Variants in ZYG11A observed in about 807,000 individuals in gnomAD.
ZYG11A encodes protein zyg-11 homolog A.
A neutral mutation model predicts 77.2 loss-of-function variants in ZYG11A; 62 were observed. That is an observed-to-expected ratio of 0.80 (90% CI 0.65 to 0.99). ZYG11A has a LOEUF of 0.99. Among genes scored for constraint, ZYG11A ranks in the 50% least tolerant of loss-of-function variants. The pLI, the probability that ZYG11A is intolerant of heterozygous loss-of-function variation, is 0.00. For missense variants in ZYG11A, 828 were observed against 896.8 expected (o/e 0.92, Z 0.98); for synonymous variants, 315 against 324.6 (o/e 0.97, Z 0.32).
In ZYG11A at chr1:52,892,876, G is replaced by C. The variant is rs1334019444; in HGVS notation, c.2199G>C (p.Gln733His). ...EHSEATPKAQ[Q>H]IAASILDDFR... Reference sequence around the variant, plus strand: ...GTGAGGCAACCCCCAAAGCACAGCAGATTGCAGCCTCCATTCTGGATGACT... The same window carrying C: ...GTGAGGCAACCCCCAAAGCACAGCACATTGCAGCCTCCATTCTGGATGACT... Residue 733 changes from glutamine to histidine, a missense_variant, in exon 14 of 14, where the codon CAG becomes CAC. Coordinates refer to ENST00000371528, the MANE Select transcript of ZYG11A (RefSeq NM_001004339.3). 1 of 1,551,812 alleles carries C rather than the reference G, an allele frequency of 6.4e-7. No homozygotes were observed. The highest frequency in any genetic ancestry group is 2.0e-5 in the Admixed American group (1 of 50,996).
At chr1:52,891,467 C>A (rs959250769) in intron 13 of ZYG11A, among the ~76,000 whole-genome samples, 3 of 151,800 alleles carry the variant, frequency 2.0e-5, no homozygotes, top group Non-Finnish European at 4.4e-5. Flanking sequence ...TTTGTATTCG[C>A]TTCTGTGAAG....
chr1:52,878,949 CAAAAAA>C, intron 10 of ZYG11A, among the ~76,000 whole-genome samples: 1 of 27,260 alleles, frequency 3.7e-5, no homozygotes, highest in East Asian at 1.5e-3. Flanking sequence ...AAACTCTGCT[CAAAAAA>C]AAAAAAAAAA....
At chr1:52,849,971 A>G (rs541172311) in intron 1 of ZYG11A, among the ~76,000 whole-genome samples, 1 of 152,314 alleles carries the variant, frequency 6.6e-6, no homozygotes, top group South Asian at 2.1e-4. Flanking sequence ...GGCGTGAGCC[A>G]CCACACCTGG....
Position 52,857,089 on chromosome 1 carries a change from T to A in ZYG11A, c.348T>A (p.Ala116=). Residue 116 remains alanine, a synonymous_variant, in exon 3 of 14, where the codon GCT becomes GCA. Transcript: ENST00000371528. The part of the protein sequence containing the change: ...VNIQKAKIST[A]AFIKAFCRHK... ...TCCAAAAAGCTAAAATCTCTACAGC[T>A]GCATTCATAAAAGCCTTCTGCCGTC... is the stretch of plus-strand genomic sequence containing the variant. 1 of 1,551,740 alleles carries A rather than the reference T, an allele frequency of 6.4e-7. No homozygotes were observed. The highest frequency in any genetic ancestry group is 8.7e-7 in the Non-Finnish European group (1 of 1,146,990).
chr1:52,854,757 C>T (rs1645777243), intron 2 of ZYG11A, 127 bp downstream of exon 2: 3 of 1,015,236 alleles, frequency 3.0e-6, no homozygotes, highest in Non-Finnish European at 4.0e-6. Context: ...AGTTGAGACT[C>T]ACTCTTTCTG....
chr1:52,888,155 A>T (rs1471400265), intron 13 of ZYG11A, among the ~76,000 whole-genome samples: 2 of 152,216 alleles, frequency 1.3e-5, no homozygotes, highest in Non-Finnish European at 2.9e-5. Flanking sequence ...ACATGCAGTA[A>T]ACTATGAGAT....
rs952689173 is a variant in ZYG11A at position 52,892,945 on chromosome 1, A to C, written c.2268A>C (p.Gln756His). The part of the protein sequence containing the change: ...FMNYQRPTLC[Q>H]MPF Reference sequence around the variant, plus strand: ...ATTATCAGAGGCCCACTCTGTGTCAAATGCCCTTCTGAACCTAAGGAATTT... The same window carrying C: ...ATTATCAGAGGCCCACTCTGTGTCACATGCCCTTCTGAACCTAAGGAATTT... The change falls in exon 14 of 14, where the codon CAA becomes CAC. Residue 756 changes from glutamine (Q) to histidine (H), a missense_variant. Coordinates refer to ENST00000371528, the MANE Select transcript of ZYG11A (RefSeq NM_001004339.3). The C allele has an allele frequency of 2.6e-6, 4 of 1,551,746 alleles. No homozygotes were observed. Among genetic ancestry groups the C allele is most frequent in the Non-Finnish European group, 3.5e-6 (4 of 1,146,996 alleles).
rs368916574 is a variant in ZYG11A at position 52,877,373 on chromosome 1, C to G, written c.1543-309C>G. ...CCTTTTTTCTTTCTTTTGTACTTGG[C>G]TTAGAGAAGGTGTTGACTAAGTGTT... On this transcript the variant is annotated intron_variant, in intron 8 of 13. Coordinates refer to ENST00000371528, the MANE Select transcript of ZYG11A (RefSeq NM_001004339.3). Among the ~76,000 whole-genome samples the G allele has an allele frequency of 2.4e-4, 36 of 152,130 alleles. No individual in the cohort carries two copies. In the South Asian group the frequency reaches 7.3e-3, roughly 31 times the overall value.
rs564112606 is a variant in ZYG11A at position 52,842,838 on chromosome 1, G to C, written c.-46G>C. ...TTGGTTCTCGCGGGATCCGGGCTCC[G>C]GCTCGACGCCGGCTCTCTTTTTGAC... On this transcript the variant is annotated 5_prime_UTR_variant, in exon 1 of 14. Transcript: ENST00000371528. 1 of 1,515,050 alleles carries C rather than the reference G, an allele frequency of 6.6e-7. No homozygotes were observed. Among genetic ancestry groups the C allele is most frequent in the East Asian group, 2.7e-5 (1 of 37,314 alleles). 93.9% of individuals were successfully genotyped at this position (1,515,050 alleles called of 1,614,324 possible).
At chr1:52,862,215 C>CA (rs150477301) in intron 4 of ZYG11A, among the ~76,000 whole-genome samples, 4 of 147,248 alleles carry the variant, frequency 2.7e-5, no homozygotes, top group Non-Finnish European at 6.0e-5. Context: ...TCTCAAAAAA[C>CA]AAAAAAAAAG....
In ZYG11A at chr1:52,881,680, T is replaced by C. The variant is rs941913838; in HGVS notation, c.1944+15T>C. The C allele has an allele frequency of 9.9e-6, 15 of 1,520,166 alleles. No individual in the cohort carries two copies. Among genetic ancestry groups the C allele is most frequent in the Admixed American group, 2.1e-5 (1 of 46,918 alleles). 94.2% of individuals were successfully genotyped at this position (1,520,166 alleles called of 1,614,324 possible). ...TCCAAGATCTGGTACAGGAACCACA[T>C]TCTTATTTATAAAATCCAGAGTAAT... is the stretch of plus-strand genomic sequence containing the variant. On this transcript the variant is annotated intron_variant, in intron 11 of 13. Coordinates refer to ENST00000371528, the MANE Select transcript of ZYG11A (RefSeq NM_001004339.3).
At chr1:52,846,045 G>GC (rs149856378) in intron 1 of ZYG11A, among the ~76,000 whole-genome samples, 1,774 of 151,802 alleles carry the variant, frequency 0.012, 25 homozygotes, top group African/African-American at 0.041. Context: ...CATTTGTCTT[G>GC]TTTTTTCCTT....
chr1:52,881,751 T>C, intron 11 of ZYG11A, 86 bp downstream of exon 11: 1 of 1,098,724 alleles, frequency 9.1e-7, no homozygotes. Context: ...ATAATATGAT[T>C]GTAGAAAGTG....
intron 13 of ZYG11A, among the ~76,000 whole-genome samples, chr1:52,889,414 GTATT>G (rs142393664): frequency 0.031 from 4,628 of 150,840 alleles, 205 homozygotes; most frequent in African/African-American, 0.093. Context: ...TTTAAAAAAA[GTATT>G]TAATTTTTTT....
At chr1:52,849,088 C>T (rs1352713244) in intron 1 of ZYG11A, among the ~76,000 whole-genome samples, 2 of 151,340 alleles carry the variant, frequency 1.3e-5, no homozygotes, top group Non-Finnish European at 2.9e-5. Context: ...TTTTTGAGAC[C>T]GAGTCTCACT....
rs796170397 is a variant in ZYG11A at position 52,891,392 on chromosome 1, A to G, written c.2105-1390A>G. The stretch of plus-strand genomic sequence containing the variant: ...GGGGCAGTTTTGGATTGTGAAGTCA[A>G]CTTTAGCAGGGCTTATTTTTCTGAG... On this transcript the variant is annotated intron_variant, in intron 13 of 13. Coordinates refer to ENST00000371528, the MANE Select transcript of ZYG11A (RefSeq NM_001004339.3). 3.9e-5 allele frequency among the ~76,000 whole-genome samples: 6 copies of G among 151,918 alleles called. 1 individual carries two copies. Among genetic ancestry groups the G allele is most frequent in the African/African-American group, 1.5e-4 (6 of 41,314 alleles).
intron 1 of ZYG11A, among the ~76,000 whole-genome samples, chr1:52,853,895 C>T (rs937657320): frequency 1.3e-5 from 2 of 151,866 alleles, no homozygotes; most frequent in African/African-American, 4.8e-5. Context: ...GATAGTGAGA[C>T]CCTGTTTCAA....
rs564354951 is a variant in ZYG11A, at chr1:52,856,532, A to G, written c.257-466A>G. Among the ~76,000 whole-genome samples the G allele has an allele frequency of 4.6e-5, 7 of 152,222 alleles. No individual in the cohort carries two copies. In the South Asian group the frequency reaches 8.3e-4, roughly 18 times the overall value. The stretch of plus-strand genomic sequence containing the variant: ...CCCATTCGTTTTACAGATGAGGAAA[A>G]TGAGGCCCAGAGAGGTAAGTGACTT... On this transcript the variant is annotated intron_variant, in intron 2 of 13. Transcript: ENST00000371528.
At position 52,867,419 on chromosome 1, in the gene ZYG11A, G is replaced by T. The variant is rs1571858670; in HGVS notation, c.1392-120G>T. 7 of 687,722 alleles carry T rather than the reference G, an allele frequency of 1.0e-5. No individual in the cohort carries two copies. The East Asian group carries it at 1.9e-4, about 19-fold the overall frequency. The allele number at this position is 687,722 out of a possible 1,614,324, so 42.6% of individuals were successfully genotyped here. A position where few individuals can be genotyped will look rare whatever the true frequency, so the allele number is the denominator to read the frequency against. ...AATGCTCTTGGTTTTCATAGCTGAGGATTTAAAAGTCCAAGACTGTTTTCA... is the reference window on the plus strand; with the variant it reads ...AATGCTCTTGGTTTTCATAGCTGAGTATTTAAAAGTCCAAGACTGTTTTCA... On this transcript the variant is annotated intron_variant, in intron 6 of 13. Coordinates refer to ENST00000371528, the MANE Select transcript of ZYG11A (RefSeq NM_001004339.3).
Sources: allele counts gnomAD v4.1 joint callset (sites outside exome capture counted in the v4.1 genomes callset), GRCh38; gene constraint gnomAD v4.1.1; transcripts MANE v1.5; gene names NCBI Gene and HGNC (gene_info 2026-07-23, HGNC 2026-07-21).